CADPS2: variants seen among roughly 807,000 people sequenced by gnomAD.
CADPS2 encodes the protein calcium-dependent secretion activator 2.
A neutral mutation model predicts 172.5 loss-of-function variants in CADPS2; 93 were observed. The ratio of observed to expected loss-of-function variants is 0.54; its 90% CI spans 0.46 to 0.64. CADPS2 has a LOEUF of 0.64. Ranked by LOEUF, CADPS2 falls within the 30% of genes least tolerant of loss-of-function variation. The probability of loss-of-function intolerance (pLI) is 0.00; values close to 1 mark genes in which losing one functional copy is unlikely to be tolerated. For synonymous variants in CADPS2, 546 were observed against 555.2 expected (o/e 0.98, Z 0.23); for missense variants, 1,420 against 1,565.9 (o/e 0.91, Z 1.57).
chr7:122,359,410 G>A (rs1160559291), intron 27 of CADPS2, among the ~76,000 whole-genome samples: 1 of 152,116 alleles, frequency 6.6e-6, no homozygotes, highest in African/African-American at 2.4e-5. Flanking sequence ...CTTGCACTGA[G>A]AAGGGAAGTA....
intron 3 of CADPS2, among the ~76,000 whole-genome samples, chr7:122,637,155 G>A (rs2430017): frequency 1.9e-4 from 23 of 120,552 alleles, no homozygotes; most frequent in South Asian, 1.0e-3. Flanking sequence ...GCTTCTGACT[G>A]CATTATGAAA....
At chr7:122,451,035 C>CT (rs1322914221) in intron 15 of CADPS2, among the ~76,000 whole-genome samples, 6 of 152,134 alleles carry the variant, frequency 3.9e-5, no homozygotes, top group Non-Finnish European at 8.8e-5. Flanking sequence ...GGAGGTGAGA[C>CT]TTGAGGGCTC....
intron 11 of CADPS2, among the ~76,000 whole-genome samples, chr7:122,488,342 T>C (rs2058021308): frequency 6.6e-6 from 1 of 152,144 alleles, no homozygotes; most frequent in African/African-American, 2.4e-5. Flanking sequence ...AATTTGGCAC[T>C]TGAAGTAGGA....
At chr7:122,729,531 T>G (rs1284510358) in intron 2 of CADPS2, among the ~76,000 whole-genome samples, 1 of 151,822 alleles carries the variant, frequency 6.6e-6, no homozygotes, top group Admixed American at 6.6e-5. Flanking sequence ...TCAACATCTG[T>G]TATTTTTTGC....
intron 8 of CADPS2, among the ~76,000 whole-genome samples, chr7:122,541,716 CATATATTCATATAT>C (rs1177210219): frequency 7.0e-6 from 1 of 142,996 alleles, no homozygotes; most frequent in Non-Finnish European, 1.5e-5. Flanking sequence ...CATATATTTA[CATATATTCATATAT>C]ATTTATTCAT....
At chr7:122,532,338 C>T (rs1183261798) in intron 8 of CADPS2, among the ~76,000 whole-genome samples, 1 of 152,068 alleles carries the variant, frequency 6.6e-6, no homozygotes, top group Admixed American at 6.5e-5. Flanking sequence ...GGTAACTTTC[C>T]TAAGAAACAC....
At chr7:122,724,434 C>G (rs1163323795) in intron 2 of CADPS2, among the ~76,000 whole-genome samples, 1 of 151,946 alleles carries the variant, frequency 6.6e-6, no homozygotes, top group African/African-American at 2.4e-5. Context: ...ATAATTATCA[C>G]AAAGCAGTAC....
At chr7:122,621,916 T>G (rs2075645480) in intron 4 of CADPS2, among the ~76,000 whole-genome samples, 199 bp from the exon 5 acceptor site, 1 of 152,172 alleles carries the variant, frequency 6.6e-6, no homozygotes, top group Non-Finnish European at 1.5e-5. Context: ...GATATCTTAT[T>G]GAGGATCACT....
At chr7:122,820,959 CTCT>C (rs1363757999) in intron 1 of CADPS2, among the ~76,000 whole-genome samples, 1 of 151,212 alleles carries the variant, frequency 6.6e-6, no homozygotes, top group Non-Finnish European at 1.5e-5. Flanking sequence ...GCTCAACTCA[CTCT>C]CTACAGTTCT....
intron 2 of CADPS2, among the ~76,000 whole-genome samples, chr7:122,735,008 T>A (rs1486887600): frequency 1.3e-5 from 2 of 152,174 alleles, no homozygotes; most frequent in Non-Finnish European, 2.9e-5. Flanking sequence ...TTAATTCCAC[T>A]GGTTAGCAAT....
At chr7:122,603,818 C>T (rs1262146826) in intron 6 of CADPS2, among the ~76,000 whole-genome samples, 1 of 152,084 alleles carries the variant, frequency 6.6e-6, no homozygotes, top group East Asian at 1.9e-4. Context: ...ACTGTATGAT[C>T]TTTATATGTA....
At chr7:122,816,138 C>A (rs536632525) in intron 1 of CADPS2, among the ~76,000 whole-genome samples, 1 of 151,978 alleles carries the variant, frequency 6.6e-6, no homozygotes, top group South Asian at 2.1e-4. Context: ...ATTTTTTTAA[C>A]CACTAGCCAA....
chr7:122,732,822 TTA>T (rs1256402782), intron 2 of CADPS2, among the ~76,000 whole-genome samples: 1 of 140,758 alleles, frequency 7.1e-6, no homozygotes, highest in African/African-American at 2.7e-5. Flanking sequence ...ATAATGTATA[TTA>T]TATATAATAT....
intron 9 of CADPS2, among the ~76,000 whole-genome samples, chr7:122,508,943 G>A (rs1292867191): frequency 6.6e-6 from 1 of 152,022 alleles, no homozygotes; most frequent in Non-Finnish European, 1.5e-5. Context: ...CCTACACTGA[G>A]TATGTTCTGG....
intron 20 of CADPS2, among the ~76,000 whole-genome samples, chr7:122,394,942 G>A (rs1272703940): frequency 6.6e-6 from 1 of 152,202 alleles, no homozygotes; most frequent in Non-Finnish European, 1.5e-5. Flanking sequence ...TTTGACTAGG[G>A]TGAAGAGGTA....
intron 27 of CADPS2, among the ~76,000 whole-genome samples, chr7:122,351,658 G>A (rs183106904): frequency 6.6e-6 from 1 of 152,078 alleles, no homozygotes; most frequent in East Asian, 1.9e-4. Flanking sequence ...TTCCATTACT[G>A]CAGAGTTCTT....
chr7:122,595,235 T>A (rs2071569224), intron 6 of CADPS2, among the ~76,000 whole-genome samples: 1 of 151,870 alleles, frequency 6.6e-6, no homozygotes, highest in African/African-American at 2.4e-5. Context: ...CTAGAGAAAT[T>A]TAAAATATAG....
At chr7:122,322,210 T>A (rs867484853) in intron 29 of CADPS2, among the ~76,000 whole-genome samples, 4 of 152,220 alleles carry the variant, frequency 2.6e-5, no homozygotes, top group African/African-American at 9.6e-5. Flanking sequence ...CCACTAACAA[T>A]TATATACTGA....
chr7:122,673,096 T>C lies in CADPS2; in HGVS notation c.454-9527A>G, dbSNP rs190524697. 5.6e-4 allele frequency among the ~76,000 whole-genome samples: 85 copies of C among 152,318 alleles called. No homozygotes were observed. The Middle Eastern group carries it at 0.017, about 30-fold the overall frequency. On this transcript the variant is annotated intron_variant, in intron 2 of 29. Coordinates refer to ENST00000449022, the MANE Select transcript of CADPS2 (RefSeq NM_017954.11). ...CCTTCTGGTGGGTTCGTGGTCTTGC[T>C]GGCTTCCGGCTTCAGGAGTGAAGTT... is the stretch of plus-strand genomic sequence containing the variant.
Sources: allele counts gnomAD v4.1 joint callset (sites outside exome capture counted in the v4.1 genomes callset), GRCh38; gene constraint gnomAD v4.1.1; transcripts MANE v1.5; gene names NCBI Gene and HGNC (gene_info 2026-07-23, HGNC 2026-07-21).